SPDYE12: variants seen among roughly 807,000 people sequenced by gnomAD.
SPDYE12 encodes speedy protein E12.
the SPDYE12 span, chr7:74,907,052 G>C: frequency 1.1e-5 from 18 of 1,565,278 alleles, no homozygotes; most frequent in Non-Finnish European, 1.3e-5. Flanking sequence ...AAGATGTTTT[G>C]TTTGGGGGCC....
the SPDYE12 span, among the ~76,000 whole-genome samples, chr7:74,914,945 A>C: frequency 1.3e-5 from 2 of 149,136 alleles, no homozygotes; most frequent in Non-Finnish European, 3.0e-5. Context: ...ACAAAAAAAA[A>C]ACAAAAAGAA....
the SPDYE12 span, chr7:74,909,415 G>A: frequency 2.4e-6 from 3 of 1,242,004 alleles, no homozygotes; most frequent in Admixed American, 5.7e-5. Flanking sequence ...TGTACACAGA[G>A]TAAAGAGGAC....
At chr7:74,910,787 C>G in the SPDYE12 span, 63 of 1,323,188 alleles carry the variant, frequency 4.8e-5, 2 homozygotes, top group African/African-American at 2.0e-4. Flanking sequence ...GCGCCCTCCC[C>G]CTGGCCGTGC....
At chr7:74,907,732 GATAAATAA>G in the SPDYE12 span, among the ~76,000 whole-genome samples, 1,091 of 131,622 alleles carry the variant, frequency 8.3e-3, 23 homozygotes, top group African/African-American at 0.03. Flanking sequence ...CTCTTGTCTT[GATAAATAA>G]ATAAATAAAT....
the SPDYE12 span, among the ~76,000 whole-genome samples, chr7:74,907,600 C>A: frequency 6.6e-6 from 1 of 150,516 alleles, no homozygotes; most frequent in African/African-American, 2.4e-5. Flanking sequence ...GGTGCGGTGG[C>A]ACACCCATTA....
chr7:74,910,744 G>T, the SPDYE12 span: 2 of 1,446,292 alleles, frequency 1.4e-6, no homozygotes, highest in Non-Finnish European at 1.9e-6. Flanking sequence ...TCTGGTGGGA[G>T]GTGGTGGAGG....
chr7:74,909,033 GTTTTTTTTTTTTTTTTTGGCTT>G, the SPDYE12 span, among the ~76,000 whole-genome samples: 1 of 32,002 alleles, frequency 3.1e-5, no homozygotes, highest in Non-Finnish European at 9.0e-5. Flanking sequence ...TTTTTGCCTG[GTTTTTTTTTTTTTTTTTGGCTT>G]TTTTTTTTTT....
chr7:74,908,690 T>C, the SPDYE12 span, among the ~76,000 whole-genome samples: 1 of 71,456 alleles, frequency 1.4e-5, no homozygotes, highest in African/African-American at 5.1e-5. Context: ...TTTTTTTTTT[T>C]TGAGACGGAG....
the SPDYE12 span, among the ~76,000 whole-genome samples, chr7:74,907,867 A>G: frequency 2.0e-5 from 3 of 148,778 alleles, 1 homozygote; most frequent in African/African-American, 7.4e-5. Context: ...GGCTGCGGTG[A>G]GCTATGATCT....
the SPDYE12 span, among the ~76,000 whole-genome samples, chr7:74,912,754 C>CCTTCTTTTTTTT: frequency 1.7e-5 from 1 of 59,234 alleles, no homozygotes. Flanking sequence ...GACCTCTGAC[C>CCTTCTTTTTTTT]CTTCTTTTTT....
chr7:74,908,546 G>A, the SPDYE12 span, among the ~76,000 whole-genome samples: 2 of 133,582 alleles, frequency 1.5e-5, no homozygotes, highest in Non-Finnish European at 3.2e-5. Flanking sequence ...GATGTGGGAA[G>A]GAGAGAGAGA....
chr7:74,907,060 G>A, the SPDYE12 span: 7 of 1,552,418 alleles, frequency 4.5e-6, no homozygotes, highest in South Asian at 4.4e-5. Flanking sequence ...TTGTTTGGGG[G>A]CCTCATCGTC....
the SPDYE12 span, among the ~76,000 whole-genome samples, chr7:74,908,109 G>A: frequency 6.8e-6 from 1 of 148,004 alleles, no homozygotes; most frequent in African/African-American, 2.5e-5. Context: ...CACAGAGGCT[G>A]TGGGGTGAAC....
the SPDYE12 span, chr7:74,909,751 T>C: frequency 2.2e-6 from 2 of 914,370 alleles, no homozygotes; most frequent in Non-Finnish European, 3.6e-6. Flanking sequence ...CATGTGGAAA[T>C]TGCGGGGTGG....
chr7:74,909,053 C>CTTTTTTTTTTTTTTTTTTTTTTTTT, the SPDYE12 span, among the ~76,000 whole-genome samples: 1 of 46,272 alleles, frequency 2.2e-5, no homozygotes, highest in Admixed American at 2.7e-4. Context: ...TTTTTTTTGG[C>CTTTTTTTTTTTTTTTTTTTTTTTTT]TTTTTTTTTT....
chr7:74,907,344 C>G, the SPDYE12 span, among the ~76,000 whole-genome samples: 1 of 151,146 alleles, frequency 6.6e-6, no homozygotes, highest in East Asian at 1.9e-4. Context: ...CCTGGAATCC[C>G]AGCACACTGG....
the SPDYE12 span, among the ~76,000 whole-genome samples, chr7:74,907,532 G>T: frequency 6.6e-6 from 1 of 151,060 alleles, no homozygotes; most frequent in African/African-American, 2.4e-5. Context: ...AGGAGTTTGA[G>T]ACCAGCCTGG....
At chr7:74,909,859 G>A in the SPDYE12 span, among the ~76,000 whole-genome samples, 1 of 147,614 alleles carries the variant, frequency 6.8e-6, no homozygotes, top group Admixed American at 6.9e-5. Context: ...CTTTGGAGGG[G>A]GTGTGTCTAG....
the SPDYE12 span, among the ~76,000 whole-genome samples, chr7:74,907,928 A>T: frequency 6.7e-6 from 1 of 149,946 alleles, no homozygotes; most frequent in African/African-American, 2.4e-5. Flanking sequence ...TCAAAAAAAA[A>T]AAAAGCAATT....
Sources: gnomAD v4.1 joint callset for allele counts (sites outside exome capture counted in the v4.1 genomes callset) on GRCh38, gnomAD v4.1.1 for gene constraint, MANE v1.5 for transcripts, NCBI Gene and HGNC (gene_info 2026-07-23, HGNC 2026-07-21) for gene names.